The following UTP20 variants were observed in gnomAD, a reference collection of about 807,000 sequenced individuals.
The protein encoded by UTP20 is UTP20 small subunit processome component, also known as small subunit processome component 20 homolog.
A neutral mutation model predicts 329.5 loss-of-function variants in UTP20; 164 were observed. The ratio of observed to expected loss-of-function variants is 0.50; its 90% CI spans 0.44 to 0.57. UTP20 has a LOEUF of 0.57. Among genes scored for constraint, UTP20 ranks in the 20% least tolerant of loss-of-function variants. UTP20 has a pLI of 0.00. For synonymous variants in UTP20, 1,151 were observed against 1,159.3 expected (o/e 0.99, Z 0.14); for missense variants, 3,055 against 3,284.2 (o/e 0.93, Z 1.71).
intron 36 of UTP20, among the ~76,000 whole-genome samples, 184 bp downstream of exon 36, chr12:101,344,934 C>CTTTTTTTTTTTTTTTTTTT (rs11417670): frequency 1.6e-5 from 1 of 61,564 alleles, no homozygotes; most frequent in Non-Finnish European, 3.1e-5. Flanking sequence ...CTTTTTTTTG[C>CTTTTTTTTTTTTTTTTTTT]TTTTTTTTTT....
In UTP20 at chr12:101,379,488, C is replaced by A; in HGVS notation, c.7514C>A (p.Thr2505Asn). 1 of 1,614,018 alleles carries A rather than the reference C, an allele frequency of 6.2e-7. No individual in the cohort carries two copies. Among genetic ancestry groups the A allele is most frequent in the Non-Finnish European group, 8.5e-7 (1 of 1,179,972 alleles). The change falls in exon 57 of 62, where the codon ACC (threonine) becomes AAC (asparagine). Residue 2505 changes from threonine (T) to asparagine (N), a missense_variant. Physicochemically the swap from Thr to Asn is moderately conservative, Grantham distance 65. Coordinates refer to ENST00000261637, the MANE Select transcript of UTP20 (RefSeq NM_014503.3). ...GAGGAGCTTATTCAAAAATGGAATA[C>A]CAAAAAGACCAAAAAACACCTCCCA... ...QPEELIQKWN[T>N]KKTKKHLPEP...
intron 29 of UTP20, among the ~76,000 whole-genome samples, 166 bp from the exon 30 acceptor site, chr12:101,337,885 A>G (rs549804587): frequency 7.9e-5 from 12 of 152,366 alleles, no homozygotes; most frequent in Admixed American, 2.6e-4. Context: ...GTAAGGTAAT[A>G]CTTAGAATTA....
intron 21 of UTP20, among the ~76,000 whole-genome samples, chr12:101,316,104 T>C (rs1244718463): frequency 6.6e-6 from 1 of 152,250 alleles, no homozygotes; most frequent in Non-Finnish European, 1.5e-5. Flanking sequence ...TACAGGCTTT[T>C]TATTTTTTGG....
chr12:101,371,135 A>C lies in UTP20; in HGVS notation c.6765A>C (p.Ala2255=), dbSNP rs370586334. 6.2e-6 allele frequency: 10 copies of C among 1,614,024 alleles called. No homozygotes were observed. The South Asian group carries it at 7.7e-5, about 12-fold the overall frequency. ...MRKVSKLAVS[A]QSEPARVQCR... is the part of the protein sequence containing the mutation. ...AAGTATCCAAGTTGGCAGTCTCTGCACAAAGCGAACCTGCCAGGGTCCAGT... is the reference window on the plus strand; with the variant it reads ...AAGTATCCAAGTTGGCAGTCTCTGCCCAAAGCGAACCTGCCAGGGTCCAGT... The change falls in exon 51 of 62, where the codon GCA becomes GCC. Residue 2255 remains alanine, a synonymous_variant. Coordinates refer to ENST00000261637, the MANE Select transcript of UTP20 (RefSeq NM_014503.3).
At chr12:101,307,117 G>A (rs1381275761) in intron 17 of UTP20, among the ~76,000 whole-genome samples, 2 of 150,484 alleles carry the variant, frequency 1.3e-5, no homozygotes, top group African/African-American at 4.9e-5. Context: ...GGCGGAGCTT[G>A]CAGTGAGCCG....
At chr12:101,359,521 CTCT>C (rs1869844398) in intron 43 of UTP20, among the ~76,000 whole-genome samples, 1 of 141,594 alleles carries the variant, frequency 7.1e-6, no homozygotes, top group South Asian at 2.2e-4. Context: ...ATATATATAG[CTCT>C]TCTTCCACTC....
chr12:101,344,820 C>T, intron 36 of UTP20, 70 bp downstream of exon 36: 1 of 1,406,450 alleles, frequency 7.1e-7, no homozygotes, highest in Non-Finnish European at 9.8e-7. Flanking sequence ...ACGTTTGCTA[C>T]TGTTGTATAG....
intron 58 of UTP20, among the ~76,000 whole-genome samples, chr12:101,382,379 C>A (rs1202956342): frequency 6.6e-6 from 1 of 151,948 alleles, no homozygotes; most frequent in African/African-American, 2.4e-5. Flanking sequence ...GCCTGGGTAA[C>A]AAAGTGAGAC....
At chr12:101,311,643 CTT>C (rs555196517) in intron 19 of UTP20, 74 bp from the exon 20 acceptor site, 383 of 1,014,080 alleles carry the variant, frequency 3.8e-4, no homozygotes, top group South Asian at 4.7e-4. Context: ...TCCTTTCACT[CTT>C]TTTTTTTTTT....
chr12:101,299,917 GAAAC>G (rs1332431445), intron 13 of UTP20, 52 bp from the exon 14 acceptor site: 1 of 1,610,006 alleles, frequency 6.2e-7, no homozygotes, highest in Non-Finnish European at 8.5e-7. Flanking sequence ...GCTGTTCTCT[GAAAC>G]AAACCATTGA....
intron 41 of UTP20, among the ~76,000 whole-genome samples, chr12:101,355,953 C>T (rs80188694): frequency 0.049 from 7,503 of 152,184 alleles, 220 homozygotes; most frequent in South Asian, 0.066. Context: ...TCTTAACCCA[C>T]GTTGGTGAAA....
chr12:101,343,564 G>A (rs1169937389), intron 35 of UTP20, among the ~76,000 whole-genome samples: 1 of 152,140 alleles, frequency 6.6e-6, no homozygotes, highest in Non-Finnish European at 1.5e-5. Context: ...AGGCTAGAGT[G>A]CAGTGATGTG....
chr12:101,351,763 C>T (rs1293345550), intron 38 of UTP20, among the ~76,000 whole-genome samples: 2 of 151,888 alleles, frequency 1.3e-5, no homozygotes, highest in African/African-American at 2.4e-5. Flanking sequence ...TGTCATTTGT[C>T]GATTTTTCTA....
At chr12:101,319,799 A>G (rs925731973) in intron 23 of UTP20, among the ~76,000 whole-genome samples, 164 bp downstream of exon 23, 1 of 151,180 alleles carries the variant, frequency 6.6e-6, no homozygotes, top group Non-Finnish European at 1.5e-5. Context: ...ATTTTCTGTT[A>G]TCTTGAGAAA....
chr12:101,340,651 C>A, intron 32 of UTP20, 41 bp downstream of exon 32: 2 of 1,274,674 alleles, frequency 1.6e-6, no homozygotes, highest in South Asian at 1.3e-5. Context: ...TCTAGAGTGG[C>A]ACTTTATCAC....
At chr12:101,296,995 ATCT>A (rs1282960725) in intron 12 of UTP20, among the ~76,000 whole-genome samples, 6 of 152,148 alleles carry the variant, frequency 3.9e-5, no homozygotes, top group South Asian at 4.1e-4. Flanking sequence ...TTTATACTTA[ATCT>A]TCTTATTTCT....
chr12:101,290,355 A>T, intron 7 of UTP20, 81 bp downstream of exon 7: 1 of 1,480,856 alleles, frequency 6.8e-7, no homozygotes, highest in Non-Finnish European at 9.0e-7. Context: ...AATGATGTGG[A>T]GGGAAGACAG....
In UTP20 at chr12:101,309,654, G is replaced by T. The variant is rs550726071; in HGVS notation, c.2155-109G>T. On this transcript the variant is annotated intron_variant, in intron 18 of 61. Transcript: ENST00000261637. ...TGCAACTTTTTTTCTTATCGCACAG[G>T]CTTCTTTCCAAACCTCAGGTTGTCC... 4.3e-5 allele frequency: 44 copies of T among 1,028,756 alleles called. No homozygotes were observed. The South Asian group carries it at 6.7e-4, about 16-fold the overall frequency. The allele number at this position is 1,028,756 out of a possible 1,614,324, so 63.7% of individuals were successfully genotyped here.
At chr12:101,383,405 T>G (rs1263073561) in intron 59 of UTP20, 92 bp downstream of exon 59, 2 of 1,492,034 alleles carry the variant, frequency 1.3e-6, no homozygotes, top group African/African-American at 2.8e-5. Flanking sequence ...CCCTAGAAAC[T>G]TTATCTTTGA....
Sources: gnomAD v4.1 joint callset for allele counts (sites outside exome capture counted in the v4.1 genomes callset) on GRCh38, gnomAD v4.1.1 for gene constraint, MANE v1.5 for transcripts, NCBI Gene and HGNC (gene_info 2026-07-23, HGNC 2026-07-21) for gene names.